Variants in MRPS9 observed in about 807,000 individuals in gnomAD.
The protein encoded by MRPS9 is small ribosomal subunit protein uS9m.
MRPS9 carries 45 observed loss-of-function variants against 59.9 expected under a neutral mutation model. The ratio of observed to expected loss-of-function variants is 0.75; its 90% CI spans 0.59 to 0.96. MRPS9 has a LOEUF of 0.96. Ranked by LOEUF, MRPS9 falls within the 40% of genes least tolerant of loss-of-function variation. MRPS9 has a pLI of 0.00. For synonymous variants in MRPS9, 171 were observed against 166.8 expected (o/e 1.03, Z -0.19); for missense variants, 473 against 481.1 (o/e 0.98, Z 0.16).
At chr2:105,099,279 G>C (rs1427965215) in intron 10 of MRPS9, 1 of 156,254 alleles carries the variant, frequency 6.4e-6, no homozygotes, top group East Asian at 1.9e-4. Flanking sequence ...TCTGCCTCTT[G>C]TCTCCATTAA....
chr2:105,084,400 C>T (rs1032826390), intron 5 of MRPS9, among the ~76,000 whole-genome samples: 6 of 151,994 alleles, frequency 3.9e-5, no homozygotes, highest in African/African-American at 1.4e-4. Flanking sequence ...TGGAGAATCT[C>T]CAGTTCATTT....
intron 2 of MRPS9, among the ~76,000 whole-genome samples, chr2:105,058,037 A>G (rs1257217683): frequency 1.3e-5 from 2 of 152,154 alleles, no homozygotes; most frequent in Non-Finnish European, 1.5e-5. Flanking sequence ...TTATTCTCCT[A>G]AGTGTGAATA....
intron 1 of MRPS9, among the ~76,000 whole-genome samples, chr2:105,041,618 A>G (rs1392379132): frequency 1.3e-5 from 2 of 152,044 alleles, no homozygotes; most frequent in South Asian, 2.1e-4. Flanking sequence ...GTAGGATCTT[A>G]ATACATTTTT....
chr2:105,085,844 C>T lies in MRPS9; in HGVS notation c.490-3140C>T, dbSNP rs187603944. Among the ~76,000 whole-genome samples, 284 of 152,172 alleles carry T rather than the reference C, an allele frequency of 1.9e-3. 3 individuals are homozygous for T. The highest frequency in any genetic ancestry group is 0.01 in the Middle Eastern group (3 of 294). ...GAGTCATACTAATTCTCTAGTGTCC[C>T]TTAAAAATTAAGTGGAAACTTAACA... On this transcript the variant is annotated intron_variant, in intron 5 of 10. Transcript: ENST00000258455.
At chr2:105,094,376 G>A (rs900543249) in intron 9 of MRPS9, among the ~76,000 whole-genome samples, 1 of 151,956 alleles carries the variant, frequency 6.6e-6, no homozygotes, top group Non-Finnish European at 1.5e-5. Context: ...CTATATAAAG[G>A]CCTCTTCTTG....
At chr2:105,057,597 C>A (rs933818808) in intron 2 of MRPS9, among the ~76,000 whole-genome samples, 1 of 152,168 alleles carries the variant, frequency 6.6e-6, no homozygotes, top group Non-Finnish European at 1.5e-5. Context: ...AGGAGTGCAG[C>A]AAGTGCCAAT....
intron 5 of MRPS9, among the ~76,000 whole-genome samples, chr2:105,087,800 TTTCCTTCC>T (rs59753300): frequency 0.21 from 28,953 of 138,672 alleles, 2,984 homozygotes; most frequent in Middle Eastern, 0.35. Context: ...TCCTGCCTTT[TTTCCTTCC>T]TTCCTTCCTT....
In MRPS9 at chr2:105,093,640, T is replaced by G; in HGVS notation, c.929+2T>G. The G allele has an allele frequency of 6.4e-7, 1 of 1,556,958 alleles. No individual in the cohort carries two copies. Among genetic ancestry groups the G allele is most frequent in the Non-Finnish European group, 8.7e-7 (1 of 1,145,790 alleles). ...TTACTTCCCGATCACACAGGACAGG[T>G]TCGTTTTGGGTTCTGATTTTTTGTT... On this transcript the variant is annotated splice_donor_variant, in intron 9 of 10. Coordinates refer to ENST00000258455, the MANE Select transcript of MRPS9 (RefSeq NM_182640.3). LOFTEE classifies it high-confidence loss of function.
intron 7 of MRPS9, among the ~76,000 whole-genome samples, chr2:105,090,798 G>A (rs1293545571): frequency 2.6e-5 from 4 of 152,092 alleles, no homozygotes; most frequent in Admixed American, 6.6e-5. Flanking sequence ...CTTTGATGGC[G>A]GTGGCTAACA....
At chr2:105,052,775 G>T (rs1025290568) in intron 2 of MRPS9, among the ~76,000 whole-genome samples, 1 of 152,070 alleles carries the variant, frequency 6.6e-6, no homozygotes, top group Non-Finnish European at 1.5e-5. Flanking sequence ...TTGTTGTTGG[G>T]TTTTTTTAAA....
At chr2:105,063,740 A>G (rs1185426132) in intron 2 of MRPS9, among the ~76,000 whole-genome samples, 2 of 152,310 alleles carry the variant, frequency 1.3e-5, no homozygotes, top group Non-Finnish European at 1.5e-5. Flanking sequence ...AATTTTATCT[A>G]TGAGTTTGTA....
At chr2:105,070,110 A>G (rs1055368700) in intron 2 of MRPS9, among the ~76,000 whole-genome samples, 29 of 152,168 alleles carry the variant, frequency 1.9e-4, no homozygotes, top group African/African-American at 7.0e-4. Flanking sequence ...AAAGGGGCAC[A>G]CTGATGTTTG....
chr2:105,062,520 A>G (rs757016929), intron 2 of MRPS9, among the ~76,000 whole-genome samples: 5 of 152,212 alleles, frequency 3.3e-5, no homozygotes, highest in Non-Finnish European at 5.9e-5. Context: ...GAAATCCTCT[A>G]TTTGGAGACT....
chr2:105,080,220 G>T (rs1680302730), intron 5 of MRPS9, among the ~76,000 whole-genome samples, 158 bp downstream of exon 5: 1 of 152,188 alleles, frequency 6.6e-6, no homozygotes. Flanking sequence ...ATGATTTATA[G>T]TAATTCATTT....
intron 1 of MRPS9, among the ~76,000 whole-genome samples, chr2:105,039,992 T>G (rs1679474531): frequency 6.6e-6 from 1 of 152,206 alleles, no homozygotes; most frequent in Non-Finnish European, 1.5e-5. Flanking sequence ...TATCCACCCT[T>G]AGCACTCTTA....
At chr2:105,062,999 T>C (rs1240371609) in intron 2 of MRPS9, among the ~76,000 whole-genome samples, 1 of 152,246 alleles carries the variant, frequency 6.6e-6, no homozygotes, top group Non-Finnish European at 1.5e-5. Flanking sequence ...TTGTCTTTCA[T>C]TGAAACAATT....
intron 2 of MRPS9, among the ~76,000 whole-genome samples, chr2:105,058,054 A>T (rs1056437124): frequency 6.6e-6 from 1 of 152,176 alleles, no homozygotes; most frequent in African/African-American, 2.4e-5. Context: ...AATATGCTGT[A>T]TGAAGTTTCT....
chr2:105,069,185 CT>C (rs1233126349), intron 2 of MRPS9, among the ~76,000 whole-genome samples: 1 of 147,640 alleles, frequency 6.8e-6, no homozygotes, highest in Admixed American at 6.8e-5. Flanking sequence ...CCATATACTT[CT>C]TTTACAAATA....
chr2:105,074,874 G>A (rs1473131708), intron 4 of MRPS9, among the ~76,000 whole-genome samples: 1 of 152,206 alleles, frequency 6.6e-6, no homozygotes, highest in Admixed American at 6.5e-5. Context: ...CGATTTCACG[G>A]ACCAGGGGTT....
Sources: gnomAD v4.1 joint callset for allele counts (sites outside exome capture counted in the v4.1 genomes callset) on GRCh38, gnomAD v4.1.1 for gene constraint, MANE v1.5 for transcripts, NCBI Gene and HGNC (gene_info 2026-07-23, HGNC 2026-07-21) for gene names.